PRKN: variants seen among roughly 807,000 people sequenced by gnomAD.
PRKN encodes E3 ubiquitin-protein ligase parkin.
PRKN carries 56 observed loss-of-function variants against 59.5 expected under a neutral mutation model. That is an observed-to-expected ratio of 0.94 (90% CI 0.76 to 1.18). The LOEUF (loss-of-function observed/expected upper bound fraction) is 1.18. Among genes scored for constraint, PRKN ranks in the 50% most tolerant of loss-of-function variants. The pLI is 0.00. For missense variants in PRKN, 657 were observed against 596.4 expected (o/e 1.10, Z -1.06); for synonymous variants, 250 against 222.1 (o/e 1.13, Z -1.12).
chr6:161,724,073 G>C (rs1787341051), intron 7 of PRKN, among the ~76,000 whole-genome samples: 1 of 152,150 alleles, frequency 6.6e-6, no homozygotes, highest in South Asian at 2.1e-4. Context: ...AGTGATGCTG[G>C]GGGAAGTAGA....
chr6:161,927,282 C>T (rs547352753), intron 6 of PRKN, among the ~76,000 whole-genome samples: 1 of 152,232 alleles, frequency 6.6e-6, no homozygotes, highest in Non-Finnish European at 1.5e-5. Context: ...TGAAGAACTA[C>T]GAAGGAGCTT....
At chr6:161,411,698 A>G (rs926114395) in intron 9 of PRKN, among the ~76,000 whole-genome samples, 1 of 151,104 alleles carries the variant, frequency 6.6e-6, no homozygotes, top group Non-Finnish European at 1.5e-5. Flanking sequence ...TCTTCCACTC[A>G]TTCCTTCCTC....
intron 2 of PRKN, among the ~76,000 whole-genome samples, chr6:162,333,459 T>C (rs1218319112): frequency 1.3e-5 from 2 of 152,174 alleles, no homozygotes; most frequent in East Asian, 3.8e-4. Context: ...ATTCATATAA[T>C]ATTTCAAACT....
In PRKN at chr6:161,463,235, A is replaced by T. The variant is rs1016811472; in HGVS notation, c.1084-76358T>A. 1.3e-5 allele frequency among the ~76,000 whole-genome samples: 2 copies of T among 152,152 alleles called. No homozygotes were observed. The highest frequency in any genetic ancestry group is 2.9e-5 in the Non-Finnish European group (2 of 68,022). ...GCCTCTGGAAGGTGACTGCCAGGTC[A>T]GCTTCACTGTCAGCTGGTGCCTCTC... On this transcript the variant is annotated intron_variant, in intron 9 of 11. Transcript: ENST00000366898. This position sits in a 1 kb window ranked among gnomAD's most constrained non-coding sequence, Gnocchi z 4.8.
chr6:161,580,383 C>T (rs1411639666), intron 7 of PRKN, among the ~76,000 whole-genome samples: 1 of 152,160 alleles, frequency 6.6e-6, no homozygotes, highest in African/African-American at 2.4e-5. Context: ...GGTGACTGCA[C>T]CATGGCCCTG....
intron 3 of PRKN, among the ~76,000 whole-genome samples, chr6:162,225,331 C>A (rs1287657175): frequency 6.6e-6 from 1 of 152,168 alleles, no homozygotes; most frequent in Non-Finnish European, 1.5e-5. Context: ...AACCAACACA[C>A]CTACATTGGT....
rs1286753364 is a variant in PRKN, at chr6:161,757,906, C to T, written c.871+27866G>A. The stretch of plus-strand genomic sequence containing the variant: ...ATATATACACACACACACACACACA[C>T]ACACACACACACACATCTCTCTCTC... On this transcript the variant is annotated intron_variant, in intron 7 of 11. Transcript: ENST00000366898. Among the ~76,000 whole-genome samples the T allele has an allele frequency of 1.5e-4, 18 of 119,684 alleles. No individual in the cohort carries two copies. In the South Asian group the frequency reaches 2.2e-3, roughly 15 times the overall value. The allele number at this position is 119,684 out of a possible 152,430, so 78.5% of individuals were successfully genotyped here. A position where few individuals can be genotyped will look rare whatever the true frequency, so the allele number is the denominator to read the frequency against.
chr6:162,470,599 G>A (rs1247320982), intron 1 of PRKN, among the ~76,000 whole-genome samples: 1 of 151,564 alleles, frequency 6.6e-6, no homozygotes, highest in Non-Finnish European at 1.5e-5. Context: ...TCAAAAAAAA[G>A]TATGCTTGTG....
intron 6 of PRKN, among the ~76,000 whole-genome samples, chr6:161,802,028 T>C (rs1209761895): frequency 1.3e-5 from 2 of 152,084 alleles, no homozygotes; most frequent in Non-Finnish European, 2.9e-5. Context: ...AAACAAGGAA[T>C]TCGTGCTAAA....
At chr6:162,320,719 C>A (rs184736727) in intron 2 of PRKN, among the ~76,000 whole-genome samples, 2 of 151,592 alleles carry the variant, frequency 1.3e-5, no homozygotes, top group East Asian at 3.9e-4. Flanking sequence ...AGCCATTCCA[C>A]TCTTAGGTAT....
intron 7 of PRKN, among the ~76,000 whole-genome samples, chr6:161,619,067 C>T (rs1418199445): frequency 1.3e-5 from 2 of 152,024 alleles, no homozygotes; most frequent in Non-Finnish European, 2.9e-5. Flanking sequence ...CTGGCAGAGC[C>T]TGAAGTGGTT....
intron 1 of PRKN, among the ~76,000 whole-genome samples, chr6:162,552,486 T>C (rs1016042775): frequency 6.6e-6 from 1 of 151,954 alleles, no homozygotes; most frequent in Non-Finnish European, 1.5e-5. Context: ...AGGTGCAGAA[T>C]CAAAATCCAT....
At chr6:161,774,187 T>A (rs1232060799) in intron 7 of PRKN, among the ~76,000 whole-genome samples, 1 of 152,116 alleles carries the variant, frequency 6.6e-6, no homozygotes, top group African/African-American at 2.4e-5. Flanking sequence ...TCACTCCTTA[T>A]AATGAAGTCA....
rs149159180 is a variant in PRKN, at chr6:162,069,125, A to G, written c.535-14951T>C. 2.7e-3 allele frequency among the ~76,000 whole-genome samples: 404 copies of G among 152,246 alleles called. 3 individuals carry two copies. The highest frequency in any genetic ancestry group is 9.2e-3 in the African/African-American group (384 of 41,548). The stretch of plus-strand genomic sequence containing the variant: ...CCACCCAAATCTCAACTTGAATTGT[A>G]TCTCCCAGAATTCCCACGTGTTGTG... On this transcript the variant is annotated intron_variant, in intron 4 of 11. Coordinates refer to ENST00000366898, the MANE Select transcript of PRKN (RefSeq NM_004562.3).
At chr6:161,411,035 C>A (rs1314892083) in intron 9 of PRKN, among the ~76,000 whole-genome samples, 1 of 152,072 alleles carries the variant, frequency 6.6e-6, no homozygotes, top group Admixed American at 6.6e-5. Context: ...AGATAAAAAA[C>A]CTAATATTAT....
intron 2 of PRKN, among the ~76,000 whole-genome samples, chr6:162,300,075 T>C (rs1000250134): frequency 1.8e-4 from 28 of 152,156 alleles, no homozygotes; most frequent in African/African-American, 6.3e-4. Flanking sequence ...GTAGTAGCAT[T>C]ATAGAATCAG....
intron 5 of PRKN, among the ~76,000 whole-genome samples, chr6:162,004,062 C>A (rs572200925): frequency 6.6e-6 from 1 of 152,276 alleles, no homozygotes; most frequent in Non-Finnish European, 1.5e-5. Flanking sequence ...TGGTTTGGAT[C>A]TGTATCCCCA....
chr6:161,531,380 CA>C (rs532305875), intron 9 of PRKN, among the ~76,000 whole-genome samples: 15,197 of 118,470 alleles, frequency 0.13, 1,110 homozygotes, highest in African/African-American at 0.26. Context: ...GACTCCGTCT[CA>C]AAAAAAAAAA....
At chr6:161,496,136 G>A (rs1018371135) in intron 9 of PRKN, among the ~76,000 whole-genome samples, 5 of 152,182 alleles carry the variant, frequency 3.3e-5, no homozygotes, top group Non-Finnish European at 5.9e-5. Context: ...TGCCCTTCCC[G>A]GTTTGATGGG....
Sources: allele counts gnomAD v4.1 joint callset (sites outside exome capture counted in the v4.1 genomes callset), GRCh38; gene constraint gnomAD v4.1.1; non-coding constraint Gnocchi (gnomAD v3.1); transcripts MANE v1.5; gene names NCBI Gene and HGNC (gene_info 2026-07-23, HGNC 2026-07-21).